GPCPD1: variants seen among roughly 807,000 people sequenced by gnomAD.
The protein encoded by GPCPD1 is glycerophosphocholine phosphodiesterase GPCPD1.
Under a neutral mutation model 89.2 loss-of-function variants are expected in GPCPD1, and 29 were observed. That is an observed-to-expected ratio of 0.33 (90% CI 0.24 to 0.44). The LOEUF (loss-of-function observed/expected upper bound fraction) is 0.44. GPCPD1 is among the 20% of genes least tolerant of loss of function. The pLI, the probability that GPCPD1 is intolerant of heterozygous loss-of-function variation, is 1.00. For synonymous variants in GPCPD1, 258 were observed against 266.3 expected (o/e 0.97, Z 0.30); for missense variants, 594 against 808.9 (o/e 0.73, Z 3.22).
chr20:5,546,836 T>C lies in GPCPD1; in HGVS notation c.*825A>G, dbSNP rs565426358. The stretch of plus-strand genomic sequence containing the variant: ...ACGTCCAGTCCTTGACATCTTCTCA[T>C]ACTCACCTAGCACCACAGATGCAAG... On this transcript the variant is annotated 3_prime_UTR_variant, in exon 20 of 20. Coordinates refer to ENST00000379019, the MANE Select transcript of GPCPD1 (RefSeq NM_019593.5). 1.8e-4 allele frequency: 27 copies of C among 152,688 alleles called. No individual in the cohort carries two copies. The highest frequency in any genetic ancestry group is 6.3e-4 in the African/African-American group (26 of 41,552). 9.5% of individuals were successfully genotyped at this position (152,688 alleles called of 1,614,324 possible).
At position 5,593,514 on chromosome 20, in the gene GPCPD1, T is replaced by G. The variant is rs567510193; in HGVS notation, c.147-103A>C. On this transcript the variant is annotated intron_variant, in intron 3 of 19. Coordinates refer to ENST00000379019, the MANE Select transcript of GPCPD1 (RefSeq NM_019593.5). ...CCTCAAATAAAACGTATGACCAATA[T>G]CACTTATTTATTCCTACACAAAATT... 2.3e-5 allele frequency: 16 copies of G among 683,802 alleles called. No homozygotes were observed. The East Asian group carries it at 4.1e-4, about 18-fold the overall frequency. The allele number at this position is 683,802 out of a possible 1,614,324, so 42.4% of individuals were successfully genotyped here.
chr20:5,582,134 C>T (rs1482601922), intron 6 of GPCPD1, among the ~76,000 whole-genome samples: 1 of 124,658 alleles, frequency 8.0e-6, no homozygotes, highest in Non-Finnish European at 1.6e-5. Context: ...TGCAGTGAGC[C>T]GAGATCGCGC....
At chr20:5,561,324 C>A in intron 16 of GPCPD1, 141 bp downstream of exon 16, 1 of 494,942 alleles carries the variant, frequency 2.0e-6, no homozygotes, top group South Asian at 3.6e-5. Flanking sequence ...TTTAAAGGGT[C>A]CAATAAGCAT....
At position 5,549,440 on chromosome 20, in the gene GPCPD1, A is replaced by G. The variant is rs1006396270; in HGVS notation, c.1830-1590T>C. ...TTATCAGTCCCATGCAGACACAGCT[A>G]CTAAAAACAGCTCCACCACTAAAAA... is the stretch of plus-strand genomic sequence containing the variant. On this transcript the variant is annotated intron_variant, in intron 19 of 19. Transcript: ENST00000379019. 4 of 1,203,900 alleles carry G rather than the reference A, an allele frequency of 3.3e-6. No individual in the cohort carries two copies. In the South Asian group the frequency reaches 3.6e-5, roughly 11 times the overall value. 74.6% of individuals were successfully genotyped at this position (1,203,900 alleles called of 1,614,324 possible).
intron 3 of GPCPD1, among the ~76,000 whole-genome samples, chr20:5,596,824 T>C (rs1286988289): frequency 6.6e-6 from 1 of 152,238 alleles, no homozygotes; most frequent in African/African-American, 2.4e-5. Flanking sequence ...CATGGATTCC[T>C]GTGTATCTAC....
chr20:5,572,606 A>G (rs1056411532), intron 11 of GPCPD1, among the ~76,000 whole-genome samples: 6 of 152,332 alleles, frequency 3.9e-5, no homozygotes, highest in Admixed American at 3.9e-4. Context: ...AGTTGAGGGC[A>G]TATGGAGTAC....
At chr20:5,583,064 G>A (rs772875296) in intron 6 of GPCPD1, among the ~76,000 whole-genome samples, 73 of 151,358 alleles carry the variant, frequency 4.8e-4, no homozygotes, top group Non-Finnish European at 9.4e-4. Context: ...GAGAAACCCC[G>A]TCTCTACTAA....
chr20:5,598,515 A>C (rs1326748628), intron 3 of GPCPD1, among the ~76,000 whole-genome samples: 1 of 152,108 alleles, frequency 6.6e-6, no homozygotes, highest in Non-Finnish European at 1.5e-5. Context: ...AAAGAAATGA[A>C]AGTGGTTGAG....
At chr20:5,567,743 AC>A in intron 12 of GPCPD1, 183 bp from the exon 13 acceptor site, 1 of 494,530 alleles carries the variant, frequency 2.0e-6, no homozygotes, top group Non-Finnish European at 3.4e-6. Context: ...CTAACCTAAC[AC>A]CACCTCCCAG....
intron 5 of GPCPD1, 86 bp from the exon 6 acceptor site, chr20:5,584,408 C>T: frequency 7.6e-6 from 5 of 655,764 alleles, no homozygotes; most frequent in African/African-American, 3.7e-5. Flanking sequence ...CCTTAAAGAT[C>T]GTTTATAATA....
rs182011414 is a variant in GPCPD1, at chr20:5,605,227, G to C, written c.-28-787C>G. ...ATCCAAACTTGTTATTTTTTAAGTC[G>C]TCAAGATTCTTTTGCTACATACTTT... is the stretch of plus-strand genomic sequence containing the variant. On this transcript the variant is annotated intron_variant, in intron 1 of 19. Coordinates refer to ENST00000379019, the MANE Select transcript of GPCPD1 (RefSeq NM_019593.5). 6.2e-4 allele frequency among the ~76,000 whole-genome samples: 94 copies of C among 152,196 alleles called. 1 individual carries two copies. Among genetic ancestry groups the C allele is most frequent in the Admixed American group, 5.6e-3 (86 of 15,268 alleles).
At chr20:5,595,110 C>A (rs902676472) in intron 3 of GPCPD1, among the ~76,000 whole-genome samples, 1 of 152,058 alleles carries the variant, frequency 6.6e-6, no homozygotes, top group Non-Finnish European at 1.5e-5. Context: ...AAACTCTCCA[C>A]CAGCAAAAAG....
At chr20:5,594,286 T>C (rs1159569103) in intron 3 of GPCPD1, among the ~76,000 whole-genome samples, 1 of 151,570 alleles carries the variant, frequency 6.6e-6, no homozygotes, top group Admixed American at 6.6e-5. Flanking sequence ...TTAACAAGCC[T>C]CCAGGTAACT....
rs1226554348 is a variant in GPCPD1, at chr20:5,593,418, A to G, written c.147-7T>C. On this transcript the variant is annotated splice_region_variant and splice_polypyrimidine_tract_variant and intron_variant, in intron 3 of 19. Coordinates refer to ENST00000379019, the MANE Select transcript of GPCPD1 (RefSeq NM_019593.5). The stretch of plus-strand genomic sequence containing the variant: ...GGTTGCTTTCCATAGCATGCTGTGA[A>G]GAAAGAAAATTAAAAGCAGCAGCAT... 2.0e-6 allele frequency: 3 copies of G among 1,518,946 alleles called. No individual in the cohort carries two copies. Among genetic ancestry groups the G allele is most frequent in the Non-Finnish European group, 2.7e-6 (3 of 1,095,652 alleles). 94.1% of individuals were successfully genotyped at this position (1,518,946 alleles called of 1,614,324 possible).
chr20:5,567,722 G>A (rs1322788413), intron 12 of GPCPD1, 162 bp from the exon 13 acceptor site: 1 of 623,230 alleles, frequency 1.6e-6, no homozygotes, highest in East Asian at 3.2e-5. Flanking sequence ...AGCCCATGCA[G>A]GACAGCCCTT....
chr20:5,581,020 C>T (rs1037684852), intron 6 of GPCPD1, among the ~76,000 whole-genome samples: 2 of 151,832 alleles, frequency 1.3e-5, no homozygotes, highest in African/African-American at 4.8e-5. Flanking sequence ...ATTATAGGCG[C>T]CCACCATGCC....
At chr20:5,601,036 T>C (rs1302261820) in intron 2 of GPCPD1, among the ~76,000 whole-genome samples, 1 of 151,296 alleles carries the variant, frequency 6.6e-6, no homozygotes, top group Non-Finnish European at 1.5e-5. Context: ...CAAAGTTAGC[T>C]GGGCATGGCA....
intron 1 of GPCPD1, among the ~76,000 whole-genome samples, chr20:5,609,698 G>A (rs575177593): frequency 3.3e-4 from 50 of 152,168 alleles, no homozygotes; most frequent in African/African-American, 1.1e-3. Context: ...GCTTTCCCAC[G>A]TCGTTATTTT....
rs1313491697 is a variant in GPCPD1 at position 5,560,008 on chromosome 20, T to A, written c.1464A>T (p.Lys488Asn). 6.3e-7 allele frequency: 1 copy of A among 1,579,478 alleles called. No individual in the cohort carries two copies. The highest frequency in any genetic ancestry group is 1.1e-5 in the South Asian group (1 of 88,126). Residue 488 changes from lysine (K) to asparagine (N), a missense_variant, in exon 17 of 20, where the codon AAA (lysine) becomes AAT (asparagine). Transcript: ENST00000379019. ...DMNLFLDIIL[K>N]TVLENSGKRR... is the part of the protein sequence containing the mutation. ...TCTTCCCAGAATTTTCTAAAACAGT[T>A]TTTAAAATTATATCCAAAAACAGAT... is the stretch of plus-strand genomic sequence containing the variant.
Sources: gnomAD v4.1 joint callset for allele counts (sites outside exome capture counted in the v4.1 genomes callset) on GRCh38, gnomAD v4.1.1 for gene constraint, MANE v1.5 for transcripts, NCBI Gene and HGNC (gene_info 2026-07-23, HGNC 2026-07-21) for gene names.